DPP10: variants seen among roughly 807,000 people sequenced by gnomAD.
DPP10 encodes the protein inactive dipeptidyl peptidase 10.
DPP10 carries 33 observed loss-of-function variants against 120.9 expected under a neutral mutation model. The observed-to-expected ratio is 0.27, with a 90% CI of 0.21 to 0.37. The LOEUF is 0.37. Ranked by LOEUF, DPP10 falls within the 10% of genes least tolerant of loss-of-function variation. The pLI, the probability that DPP10 is intolerant of heterozygous loss-of-function variation, is 1.00. For synonymous variants in DPP10, 337 were observed against 326.1 expected (o/e 1.03, Z -0.36); for missense variants, 816 against 942.8 (o/e 0.87, Z 1.76).
At chr2:115,705,498 G>A (rs539759644) in intron 7 of DPP10, among the ~76,000 whole-genome samples, 2 of 151,938 alleles carry the variant, frequency 1.3e-5, no homozygotes, top group South Asian at 4.1e-4. Flanking sequence ...GAGCTTTAAT[G>A]GAAGTAGATG....
chr2:115,079,205 C>T (rs1708051178), intron 1 of DPP10, among the ~76,000 whole-genome samples: 2 of 151,962 alleles, frequency 1.3e-5, no homozygotes, highest in South Asian at 2.1e-4. Context: ...GCGGTGAAAC[C>T]CCGTCTCTAC....
chr2:115,475,155 T>G (rs2105215073), intron 3 of DPP10, among the ~76,000 whole-genome samples: 1 of 152,080 alleles, frequency 6.6e-6, no homozygotes, highest in East Asian at 1.9e-4. Flanking sequence ...TCCATGGCAG[T>G]ACTTCTCCTC....
At chr2:115,445,049 A>G (rs1017610500) in intron 3 of DPP10, among the ~76,000 whole-genome samples, 1 of 152,160 alleles carries the variant, frequency 6.6e-6, no homozygotes, top group East Asian at 1.9e-4. Flanking sequence ...TTCTTATGAG[A>G]TCTGATGGTT....
At chr2:114,584,771 T>C (rs1690815622) in intron 1 of DPP10, among the ~76,000 whole-genome samples, 1 of 152,028 alleles carries the variant, frequency 6.6e-6, no homozygotes, top group Non-Finnish European at 1.5e-5. Flanking sequence ...CTTTAGACTT[T>C]ATTGTTAGAT....
At chr2:115,561,358 CAAAAA>C (rs11421762) in intron 5 of DPP10, among the ~76,000 whole-genome samples, 31 of 59,808 alleles carry the variant, frequency 5.2e-4, no homozygotes, top group East Asian at 4.0e-3. Context: ...GACTCCATCA[CAAAAA>C]AAAAAAAAAA....
chr2:114,792,907 C>T (rs536807192), intron 1 of DPP10, among the ~76,000 whole-genome samples: 1 of 152,028 alleles, frequency 6.6e-6, no homozygotes, highest in East Asian at 1.9e-4. Flanking sequence ...TGCTTTTCAT[C>T]CTTTCACTGT....
intron 1 of DPP10, among the ~76,000 whole-genome samples, chr2:115,035,898 G>A (rs1190608104): frequency 6.6e-6 from 1 of 152,176 alleles, no homozygotes; most frequent in Non-Finnish European, 1.5e-5. Context: ...TGTGTGCAAT[G>A]CTCCCTATGT....
chr2:115,283,078 T>C (rs1272024687), intron 1 of DPP10, among the ~76,000 whole-genome samples: 1 of 152,082 alleles, frequency 6.6e-6, no homozygotes, highest in Admixed American at 6.6e-5. Context: ...GCCATGTTTT[T>C]TTCTTTCAGA....
chr2:114,450,847 G>A (rs906748045), intron 1 of DPP10, among the ~76,000 whole-genome samples: 4 of 152,060 alleles, frequency 2.6e-5, no homozygotes, highest in Non-Finnish European at 5.9e-5. Context: ...AGCAGACACA[G>A]GTTACTGCTG....
rs760350563 is a variant in DPP10 at position 115,161,992 on chromosome 2, G to A, written c.61-147247G>A. On this transcript the variant is annotated intron_variant, in intron 1 of 25. Transcript: ENST00000410059. ...CGAAGCAGGAGCCGCAGCCCACCCC[G>A]GGGGCCAGGGCGAGCCAGGCGCAGC... is the stretch of plus-strand genomic sequence containing the variant. 4 of 1,391,600 alleles carry A rather than the reference G, an allele frequency of 2.9e-6. No individual in the cohort carries two copies. The East Asian group carries it at 1.2e-4, about 43-fold the overall frequency. The allele number at this position is 1,391,600 out of a possible 1,614,324, so 86.2% of individuals were successfully genotyped here. A position where few individuals can be genotyped will look rare whatever the true frequency, so the allele number is the denominator to read the frequency against.
At chr2:115,241,748 A>T (rs2105574456) in intron 1 of DPP10, among the ~76,000 whole-genome samples, 1 of 152,326 alleles carries the variant, frequency 6.6e-6, no homozygotes, top group African/African-American at 2.4e-5. Flanking sequence ...TTTTAAATTG[A>T]ACTGTATGAT....
chr2:114,703,918 G>T (rs938708056), intron 1 of DPP10, among the ~76,000 whole-genome samples: 1 of 152,076 alleles, frequency 6.6e-6, no homozygotes, highest in African/African-American at 2.4e-5. Context: ...ATGAAAGAAA[G>T]AACCCAGAAG....
At chr2:115,381,589 C>A (rs530127213) in intron 3 of DPP10, among the ~76,000 whole-genome samples, 1 of 152,350 alleles carries the variant, frequency 6.6e-6, no homozygotes, top group African/African-American at 2.4e-5. Flanking sequence ...TGTTCCATTG[C>A]TGGTGAGGAA....
At position 115,476,572 on chromosome 2, in the gene DPP10, A is replaced by G. The variant is rs566888279; in HGVS notation, c.272-22938A>G. On this transcript the variant is annotated intron_variant, in intron 3 of 25. Coordinates refer to ENST00000410059, the MANE Select transcript of DPP10 (RefSeq NM_020868.6). ...GGGGTAAGATGCCACACATATTTAA[A>G]TAGCCAGATATTGTAAGATCTCACT... is the stretch of plus-strand genomic sequence containing the variant. Among the ~76,000 whole-genome samples, 6 of 152,312 alleles carry G rather than the reference A, an allele frequency of 3.9e-5. No homozygotes were observed. The East Asian group carries it at 1.2e-3, about 29-fold the overall frequency.
chr2:114,945,829 C>G (rs1697307202), intron 1 of DPP10, among the ~76,000 whole-genome samples: 1 of 152,006 alleles, frequency 6.6e-6, no homozygotes, highest in Admixed American at 6.6e-5. Context: ...AAAGCAAAAA[C>G]AAAAACAAAC....
At chr2:115,094,415 G>A (rs1241253016) in intron 1 of DPP10, among the ~76,000 whole-genome samples, 1 of 152,096 alleles carries the variant, frequency 6.6e-6, no homozygotes, top group Non-Finnish European at 1.5e-5. Flanking sequence ...CTTACCTTCG[G>A]CAAACTTTCT....
chr2:114,678,472 A>G (rs570743774), intron 1 of DPP10, among the ~76,000 whole-genome samples: 3 of 152,076 alleles, frequency 2.0e-5, no homozygotes, highest in Admixed American at 2.0e-4. Flanking sequence ...TGCCTTACCA[A>G]CTAAAGATGA....
At chr2:114,942,304 T>TATATATATATATATATATAC (rs1696980451) in intron 1 of DPP10, among the ~76,000 whole-genome samples, 4 of 121,682 alleles carry the variant, frequency 3.3e-5, no homozygotes, top group East Asian at 2.6e-4. Flanking sequence ...TATACATATA[T>TATATATATATATATATATAC]ATATATATAT....
Position 115,793,735 on chromosome 2 carries a change from G to T in DPP10, c.1700+2379G>T, listed in dbSNP as rs775625582. Among the ~76,000 whole-genome samples the T allele has an allele frequency of 7.2e-5, 11 of 151,912 alleles. No homozygotes were observed. In the South Asian group the frequency reaches 8.3e-4, roughly 11 times the overall value. ...ATAAAATCATTTCTAGTTATACTTT[G>T]TTATATATAGTTATATATTGTTTAT... On this transcript the variant is annotated intron_variant, in intron 19 of 25. Transcript: ENST00000410059.
Sources: allele counts gnomAD v4.1 joint callset (sites outside exome capture counted in the v4.1 genomes callset), GRCh38; gene constraint gnomAD v4.1.1; transcripts MANE v1.5; gene names NCBI Gene and HGNC (gene_info 2026-07-23, HGNC 2026-07-21).